Variants in VPS53 observed in about 807,000 individuals in gnomAD.
VPS53 encodes the protein VPS53 subunit of GARP complex, also known as vacuolar protein sorting-associated protein 53 homolog.
In VPS53, 70 loss-of-function variants were observed where a neutral mutation model predicts 107.0. The ratio of observed to expected loss-of-function variants is 0.65; its 90% CI spans 0.54 to 0.80. The LOEUF is 0.80. VPS53 is among the 30% of genes least tolerant of loss of function. The pLI, the probability that VPS53 is intolerant of heterozygous loss-of-function variation, is 0.00. For missense variants in VPS53, 917 were observed against 1,049.4 expected (o/e 0.87, Z 1.74); for synonymous variants, 409 against 393.3 (o/e 1.04, Z -0.47).
At chr17:661,378 G>A (rs969499759) in intron 5 of VPS53, among the ~76,000 whole-genome samples, 14 of 151,814 alleles carry the variant, frequency 9.2e-5, no homozygotes, top group East Asian at 7.7e-4. Flanking sequence ...AAAATTAGCC[G>A]GGCGTGGTGG....
chr17:702,600 A>G (rs1393052691), intron 2 of VPS53, among the ~76,000 whole-genome samples: 1 of 152,112 alleles, frequency 6.6e-6, no homozygotes, highest in East Asian at 1.9e-4. Context: ...CAGGAAGCAG[A>G]GGTTGCGGTG....
chr17:613,382 C>G (rs978741709), intron 11 of VPS53, among the ~76,000 whole-genome samples: 3 of 151,356 alleles, frequency 2.0e-5, no homozygotes, highest in African/African-American at 7.3e-5. Flanking sequence ...ATATTCACAG[C>G]AGTAATCAAA....
At position 522,144 on chromosome 17, in the gene VPS53, C is replaced by T. The variant is rs146858985; in HGVS notation, c.2086-406G>A. Among the ~76,000 whole-genome samples, 726 of 152,220 alleles carry T rather than the reference C, an allele frequency of 4.8e-3. 9 individuals are homozygous for T. The highest frequency in any genetic ancestry group is 0.012 in the African/African-American group (495 of 41,534). On this transcript the variant is annotated intron_variant, in intron 19 of 21. Transcript: ENST00000437048. ...GGGTGCGCATCTGTGGTCCCAGCTA[C>T]TGAGGAAGACTGAGGTGGGTGGATC...
At chr17:635,222 C>T (rs939330693) in intron 7 of VPS53, among the ~76,000 whole-genome samples, 12 of 152,110 alleles carry the variant, frequency 7.9e-5, no homozygotes, top group African/African-American at 1.4e-4. Context: ...TCATATCCTT[C>T]GCCCACTTCT....
chr17:626,979 G>A (rs1206460970), intron 10 of VPS53, among the ~76,000 whole-genome samples, 195 bp downstream of exon 10: 3 of 152,104 alleles, frequency 2.0e-5, no homozygotes, highest in Non-Finnish European at 1.5e-5. Context: ...ACTACACCAC[G>A]GAAAGTCCCA....
rs74688830 is a variant in VPS53, at chr17:643,339, T to C, written c.608+9952A>G. The stretch of plus-strand genomic sequence containing the variant: ...GAGGACAACACTCATACTTGGCAAC[T>C]GAGGACAACACTCATACTTGGAAAC... On this transcript the variant is annotated intron_variant, in intron 7 of 21. Coordinates refer to ENST00000437048, the MANE Select transcript of VPS53 (RefSeq NM_001128159.3). Among the ~76,000 whole-genome samples, 65 of 117,082 alleles carry C rather than the reference T, an allele frequency of 5.6e-4. 1 individual carries two copies. Among genetic ancestry groups the C allele is most frequent in the South Asian group, 1.3e-3 (4 of 3,184 alleles). 76.8% of individuals were successfully genotyped at this position (117,082 alleles called of 152,430 possible). A position where few individuals can be genotyped will look rare whatever the true frequency, so the allele number is the denominator to read the frequency against.
At chr17:634,631 T>C (rs2143214088) in intron 7 of VPS53, among the ~76,000 whole-genome samples, 1 of 147,144 alleles carries the variant, frequency 6.8e-6, no homozygotes, top group African/African-American at 2.5e-5. Context: ...CACCTATGAG[T>C]GAGAACATGC....
chr17:687,039 CTT>C (rs1462338190), intron 4 of VPS53, among the ~76,000 whole-genome samples: 1 of 152,120 alleles, frequency 6.6e-6, no homozygotes, highest in Non-Finnish European at 1.5e-5. Context: ...AATCCCAGCA[CTT>C]TGAGAGGCCA....
Position 512,725 on chromosome 17 carries a change from A to G in VPS53, c.*6403T>C, listed in dbSNP as rs1490186164. ...GTTGAAAGGACACAGGACTTCCCGAAGAGTTTTCATGGCAAAAACGTCCAA... is the reference window on the plus strand; with the variant it reads ...GTTGAAAGGACACAGGACTTCCCGAGGAGTTTTCATGGCAAAAACGTCCAA... On this transcript the variant is annotated 3_prime_UTR_variant, in exon 22 of 22. Coordinates refer to ENST00000437048, the MANE Select transcript of VPS53 (RefSeq NM_001128159.3). 2 of 152,232 alleles carry G rather than the reference A, an allele frequency of 1.3e-5. No homozygotes were observed. Among genetic ancestry groups the G allele is most frequent in the African/African-American group, 4.8e-5 (2 of 41,464 alleles). The allele number at this position is 152,232 out of a possible 1,614,324, so 9.4% of individuals were successfully genotyped here.
At chr17:712,230 G>A (rs888733140) in intron 1 of VPS53, among the ~76,000 whole-genome samples, 1 of 144,648 alleles carries the variant, frequency 6.9e-6, no homozygotes, top group African/African-American at 2.6e-5. Flanking sequence ...GCTCAGGCTG[G>A]AAGGCAGTGG....
chr17:670,145 T>C (rs1373033834), intron 4 of VPS53, among the ~76,000 whole-genome samples: 1 of 152,172 alleles, frequency 6.6e-6, no homozygotes, highest in African/African-American at 2.4e-5. Flanking sequence ...TAAAGTGTTA[T>C]AAAGCGGCGA....
In VPS53 at chr17:655,882, T is replaced by C; in HGVS notation, c.444A>G (p.Thr148=). ...CTGCCAGCATGTGCAGGTGGTTCAG[T>C]GTGGTGATTGAGGTGGTCAGGTGGC... The part of the protein sequence containing the change: ...AKRHLTTSIT[T]LNHLHMLAGG... Residue 148 remains threonine (T), a synonymous_variant, in exon 6 of 22, where the codon ACA becomes ACG. Coordinates refer to ENST00000437048, the MANE Select transcript of VPS53 (RefSeq NM_001128159.3). 1.2e-6 allele frequency: 2 copies of C among 1,614,044 alleles called. No individual in the cohort carries two copies.
chr17:573,074 T>C (rs1451296957), intron 13 of VPS53, among the ~76,000 whole-genome samples: 1 of 152,142 alleles, frequency 6.6e-6, no homozygotes, highest in Non-Finnish European at 1.5e-5. Context: ...GGTAATTAGT[T>C]TACAGACAGA....
At chr17:558,006 T>C (rs1023653827) in intron 15 of VPS53, among the ~76,000 whole-genome samples, 1 of 152,074 alleles carries the variant, frequency 6.6e-6, no homozygotes, top group Non-Finnish European at 1.5e-5. Flanking sequence ...ACCACAGGCA[T>C]GTACCACCAC....
intron 11 of VPS53, among the ~76,000 whole-genome samples, chr17:611,479 T>A (rs1288168583): frequency 6.6e-6 from 1 of 152,220 alleles, no homozygotes; most frequent in Non-Finnish European, 1.5e-5. Flanking sequence ...CCCTCCTACA[T>A]TGTGGGTAGA....
chr17:551,402 T>C (rs751481278), intron 17 of VPS53, among the ~76,000 whole-genome samples: 5 of 151,928 alleles, frequency 3.3e-5, no homozygotes, highest in Admixed American at 3.3e-4. Context: ...CTCTTAGCTC[T>C]ACAAAAAATT....
At chr17:682,450 A>C (rs922887788) in intron 4 of VPS53, among the ~76,000 whole-genome samples, 1 of 152,196 alleles carries the variant, frequency 6.6e-6, no homozygotes, top group Non-Finnish European at 1.5e-5. Context: ...TCCCCCAGGA[A>C]AGACAGGACA....
chr17:685,276 T>C (rs1004997282), intron 4 of VPS53: 1 of 152,220 alleles, frequency 6.6e-6, no homozygotes, highest in Non-Finnish European at 1.5e-5. Context: ...TTCCTTCTGT[T>C]CATTACAATA....
At chr17:556,579 C>G (rs904922678) in intron 15 of VPS53, among the ~76,000 whole-genome samples, 5 of 151,984 alleles carry the variant, frequency 3.3e-5, no homozygotes, top group Admixed American at 1.3e-4. Context: ...AAGCTTAATC[C>G]CTGAAGCCAC....
Sources: gnomAD v4.1 joint callset for allele counts (sites outside exome capture counted in the v4.1 genomes callset) on GRCh38, gnomAD v4.1.1 for gene constraint, MANE v1.5 for transcripts, NCBI Gene and HGNC (gene_info 2026-07-23, HGNC 2026-07-21) for gene names.